The following BPTF variants were observed in gnomAD, a reference collection of about 807,000 sequenced individuals.
BPTF encodes nucleosome-remodeling factor subunit BPTF.
Under a neutral mutation model 292.5 loss-of-function variants are expected in BPTF, and 18 were observed. The ratio of observed to expected loss-of-function variants is 0.06; its 90% CI spans 0.04 to 0.09. BPTF has a LOEUF of 0.09. BPTF is among the 10% of genes least tolerant of loss of function. The pLI is 1.00. For missense variants in BPTF, 2,726 were observed against 3,498.7 expected (o/e 0.78, Z 5.57); for synonymous variants, 1,225 against 1,251.9 (o/e 0.98, Z 0.45).
intron 18 of BPTF, among the ~76,000 whole-genome samples, chr17:67,937,887 G>A (rs902048644): frequency 1.4e-4 from 22 of 152,212 alleles, no homozygotes; most frequent in Admixed American, 3.3e-4. Flanking sequence ...GGCCAAGGCG[G>A]GCGGATCACC....
intron 1 of BPTF, among the ~76,000 whole-genome samples, chr17:67,844,446 A>G (rs2057864414): frequency 6.7e-6 from 1 of 150,136 alleles, no homozygotes; most frequent in South Asian, 2.1e-4. Context: ...ATGGGGTTTC[A>G]CCGTGTTAGC....
At chr17:67,937,745 G>A (rs2065034816) in intron 18 of BPTF, among the ~76,000 whole-genome samples, 1 of 143,140 alleles carries the variant, frequency 7.0e-6, no homozygotes, top group Admixed American at 6.9e-5. Context: ...GGGTGGGTGG[G>A]TATGGGTTGT....
chr17:67,957,770 C>G (rs560127796), intron 23 of BPTF, among the ~76,000 whole-genome samples: 3 of 152,312 alleles, frequency 2.0e-5, no homozygotes, highest in African/African-American at 7.2e-5. Context: ...GTGGGAGGAT[C>G]ACTTGAGCCT....
chr17:67,880,453 T>C (rs1258516311), intron 4 of BPTF, among the ~76,000 whole-genome samples: 4 of 152,170 alleles, frequency 2.6e-5, no homozygotes, highest in Non-Finnish European at 5.9e-5. Flanking sequence ...TATAGCTACA[T>C]CCCACAAACT....
intron 13 of BPTF, among the ~76,000 whole-genome samples, chr17:67,920,959 G>A (rs1598664301): frequency 6.6e-6 from 1 of 151,752 alleles, no homozygotes; most frequent in East Asian, 1.9e-4. Flanking sequence ...GTAATTCCAG[G>A]ACTTTGGGAG....
chr17:67,973,656 C>G (rs1325655505), intron 26 of BPTF, among the ~76,000 whole-genome samples: 1 of 151,978 alleles, frequency 6.6e-6, no homozygotes, highest in African/African-American at 2.4e-5. Flanking sequence ...AAGGCATGTG[C>G]CACCATGCCT....
chr17:67,942,330 A>G (rs905064753), intron 19 of BPTF, among the ~76,000 whole-genome samples: 3 of 152,176 alleles, frequency 2.0e-5, no homozygotes, highest in Non-Finnish European at 4.4e-5. Context: ...AAACAAAAAA[A>G]AAAGGACAAA....
chr17:67,935,385 C>A lies in BPTF; in HGVS notation c.6259+3366C>A, dbSNP rs565762038. Among the ~76,000 whole-genome samples the A allele has an allele frequency of 5.3e-5, 8 of 152,002 alleles. No homozygotes were observed. The South Asian group carries it at 1.7e-3, about 32-fold the overall frequency. On this transcript the variant is annotated intron_variant, in intron 18 of 27. Coordinates refer to ENST00000306378, the MANE Select transcript of BPTF (RefSeq NM_182641.4). Reference sequence around the variant, plus strand: ...AAGGCTGCAGTGAGCCACAATCTTGCCACTGCACCTCCAGCCTGGGTGACA... The same window carrying A: ...AAGGCTGCAGTGAGCCACAATCTTGACACTGCACCTCCAGCCTGGGTGACA...
chr17:67,968,545 G>C (rs1215133043), intron 26 of BPTF, among the ~76,000 whole-genome samples: 2 of 151,428 alleles, frequency 1.3e-5, no homozygotes, highest in East Asian at 3.8e-4. Flanking sequence ...TTGGGAGGCT[G>C]AGGTGGGTGG....
chr17:67,961,345 G>T (rs1285789279), intron 24 of BPTF, among the ~76,000 whole-genome samples: 2 of 152,098 alleles, frequency 1.3e-5, no homozygotes, highest in Non-Finnish European at 2.9e-5. Flanking sequence ...TATTTTAGTT[G>T]AGATGAGTTA....
chr17:67,972,684 C>T (rs557676111), intron 26 of BPTF, among the ~76,000 whole-genome samples: 12 of 151,920 alleles, frequency 7.9e-5, no homozygotes, highest in Non-Finnish European at 1.3e-4. Flanking sequence ...AGTCTTTTTC[C>T]TCCTCCATAA....
rs773254228 is a variant in BPTF at position 67,912,561 on chromosome 17, T to C, written c.4677T>C (p.Asn1559=). The C allele has an allele frequency of 7.4e-6, 12 of 1,613,644 alleles. No homozygotes were observed. The South Asian group carries it at 1.1e-4, about 15-fold the overall frequency. ...ITSEEESNLS[N]DFIDENGLPI... ...CTGAAGAGGAATCTAATCTCAGTAA[T>C]GACTTTATTGATGAAAATGGTCTGC... The change falls in exon 11 of 28, where the codon AAT becomes AAC. Residue 1559 remains asparagine (N), a synonymous_variant. Transcript: ENST00000306378.
intron 1 of BPTF, among the ~76,000 whole-genome samples, chr17:67,827,986 C>T (rs1360578566): frequency 1.4e-5 from 2 of 144,772 alleles, no homozygotes; most frequent in African/African-American, 5.2e-5. Flanking sequence ...GGCTGGAGTG[C>T]AGTGTCCTGA....
At chr17:67,897,266 G>A (rs1034579987) in intron 7 of BPTF, among the ~76,000 whole-genome samples, 6 of 149,124 alleles carry the variant, frequency 4.0e-5, no homozygotes, top group Admixed American at 3.3e-4. Flanking sequence ...GCTTGAACCC[G>A]GGAGGCGGAG....
intron 1 of BPTF, among the ~76,000 whole-genome samples, chr17:67,844,499 G>T (rs2057874033): frequency 6.6e-6 from 1 of 150,544 alleles, no homozygotes; most frequent in Admixed American, 6.6e-5. Flanking sequence ...CGCCCGCCTT[G>T]GCCTCCCAAA....
chr17:67,943,217 A>AATTAT (rs2065527333), intron 19 of BPTF, among the ~76,000 whole-genome samples: 1 of 152,120 alleles, frequency 6.6e-6, no homozygotes, highest in Non-Finnish European at 1.5e-5. Context: ...ATAATTTTTA[A>AATTAT]ATTATACTTG....
intron 1 of BPTF, among the ~76,000 whole-genome samples, chr17:67,846,144 A>G (rs1030336253): frequency 1.3e-5 from 2 of 152,228 alleles, no homozygotes; most frequent in African/African-American, 4.8e-5. Context: ...CAAATATAAA[A>G]GAAGTTATCC....
In BPTF at chr17:67,903,792, A is replaced by G; in HGVS notation, c.2547A>G (p.Leu849=). The change falls in exon 8 of 28, where the codon TTA becomes TTG. Residue 849 remains leucine, a synonymous_variant. Transcript: ENST00000306378. ...IWRESLGHTR[L]HRMTSIEREE... is the part of the protein sequence containing the mutation. Reference sequence around the variant, plus strand: ...CTTTCTATGCATGAATTCTTAGGTTACACCGGATGACATCAATTGAAAGAG... The same window carrying G: ...CTTTCTATGCATGAATTCTTAGGTTGCACCGGATGACATCAATTGAAAGAG... The G allele has an allele frequency of 6.4e-7, 1 of 1,552,568 alleles. No homozygotes were observed. The highest frequency in any genetic ancestry group is 8.6e-7 in the Non-Finnish European group (1 of 1,156,950).
intron 9 of BPTF, among the ~76,000 whole-genome samples, chr17:67,907,870 G>C (rs1568031927): frequency 6.6e-6 from 1 of 152,162 alleles, no homozygotes; most frequent in East Asian, 1.9e-4. Flanking sequence ...CACTTGCCCT[G>C]GTTGTCTTAG....
Sources: allele counts gnomAD v4.1 joint callset (sites outside exome capture counted in the v4.1 genomes callset), GRCh38; gene constraint gnomAD v4.1.1; transcripts MANE v1.5; gene names NCBI Gene and HGNC (gene_info 2026-07-23, HGNC 2026-07-21).